HCK: variants seen among roughly 807,000 people sequenced by gnomAD.
HCK encodes the protein tyrosine-protein kinase HCK.
Under a neutral mutation model 70.4 loss-of-function variants are expected in HCK, and 40 were observed. That is an observed-to-expected ratio of 0.57 (90% CI 0.44 to 0.74). HCK has a LOEUF of 0.74. Ranked by LOEUF, HCK falls within the 30% of genes least tolerant of loss-of-function variation. The pLI is 0.00. For missense variants in HCK, 568 were observed against 697.2 expected (o/e 0.81, Z 2.09); for synonymous variants, 245 against 263.2 (o/e 0.93, Z 0.67).
At chr20:32,093,570 G>A (rs2045893864) in intron 10 of HCK, among the ~76,000 whole-genome samples, 1 of 151,716 alleles carries the variant, frequency 6.6e-6, no homozygotes, top group African/African-American at 2.4e-5. Context: ...AATAGGTCCT[G>A]GAGAAATAGT....
rs1600718322 is a variant in HCK, at chr20:32,071,768, T to C, written c.169T>C (p.Ser57Pro). Residue 57 changes from serine (S) to proline (P), a missense_variant, in exon 2 of 13, where the codon TCC becomes CCC. Ser to Pro is a moderately conservative substitution (Grantham distance 74). This residue lies in a region of HCK where 318 missense variants were observed against 336.0 expected (regional missense o/e 0.95). Coordinates refer to ENST00000375852, the MANE Select transcript of HCK (RefSeq NM_002110.5). Reference sequence around the variant, plus strand: ...TCCTGTGTACGTGCCGGATCCCACATCCACCATCAAGCCGGTGAGTAGGGG... The same window carrying C: ...TCCTGTGTACGTGCCGGATCCCACACCCACCATCAAGCCGGTGAGTAGGGG... 1.2e-6 allele frequency: 2 copies of C among 1,613,830 alleles called. No homozygotes were observed. The highest frequency in any genetic ancestry group is 1.7e-6 in the Non-Finnish European group (2 of 1,179,860).
intron 6 of HCK, among the ~76,000 whole-genome samples, chr20:32,082,627 G>A (rs2045723772): frequency 6.6e-6 from 1 of 152,104 alleles, no homozygotes; most frequent in Admixed American, 6.5e-5. Flanking sequence ...GGATGACACA[G>A]CGAGACTCTG....
intron 6 of HCK, among the ~76,000 whole-genome samples, 184 bp from the exon 7 acceptor site, chr20:32,083,710 G>A (rs916591350): frequency 1.3e-5 from 2 of 152,214 alleles, no homozygotes; most frequent in South Asian, 4.1e-4. Context: ...CTCACGGGTG[G>A]ATGTGGTAGA....
At chr20:32,093,242 G>A (rs2045887954) in intron 10 of HCK, among the ~76,000 whole-genome samples, 1 of 152,194 alleles carries the variant, frequency 6.6e-6, no homozygotes, top group Non-Finnish European at 1.5e-5. Flanking sequence ...ACCATGCCCG[G>A]CCTGTTTTAT....
At chr20:32,082,370 G>C (rs1285315626) in intron 6 of HCK, among the ~76,000 whole-genome samples, 1 of 152,132 alleles carries the variant, frequency 6.6e-6, no homozygotes, top group Non-Finnish European at 1.5e-5. Flanking sequence ...GGCCAGGTGA[G>C]GTGACTCAAG....
intron 1 of HCK, among the ~76,000 whole-genome samples, chr20:32,061,254 T>A (rs964850130): frequency 6.6e-6 from 1 of 152,236 alleles, no homozygotes; most frequent in African/African-American, 2.4e-5. Flanking sequence ...AGTGCTGGGA[T>A]TACAGGCGTG....
In HCK at chr20:32,074,657, A is replaced by G; in HGVS notation, c.364A>G (p.Thr122Ala). The G allele has an allele frequency of 6.2e-7, 1 of 1,613,976 alleles. No homozygotes were observed. The stretch of plus-strand genomic sequence containing the variant: ...GTGGTGGAAGGCTCGATCCCTGGCC[A>G]CCCGGAAGGAGGGCTACATCCCAAG... Residue 122 changes from threonine to alanine, a missense_variant, in exon 5 of 13, where the codon ACC becomes GCC. Transcript: ENST00000375852.
intron 5 of HCK, among the ~76,000 whole-genome samples, chr20:32,078,310 G>A (rs938865662): frequency 2.4e-4 from 36 of 151,610 alleles, no homozygotes; most frequent in Middle Eastern, 3.4e-3. Flanking sequence ...CTCCCAAAGT[G>A]CTGGGATTAC....
intron 1 of HCK, chr20:32,069,566 C>A: frequency 2.7e-6 from 1 of 373,756 alleles, no homozygotes; most frequent in South Asian, 2.0e-5. Context: ...AAGAGAGATG[C>A]TGGTTTCAGT....
intron 1 of HCK, among the ~76,000 whole-genome samples, chr20:32,060,349 T>C (rs1422543030): frequency 6.6e-6 from 1 of 152,148 alleles, no homozygotes; most frequent in Non-Finnish European, 1.5e-5. Flanking sequence ...GCCTCCCAAG[T>C]AGCTGGGATT....
At position 32,088,609 on chromosome 20, in the gene HCK, C is replaced by A; in HGVS notation, c.1057C>A (p.Gln353Lys). 1 of 1,614,020 alleles carries A rather than the reference C, an allele frequency of 6.2e-7. No individual in the cohort carries two copies. Among genetic ancestry groups the A allele is most frequent in the African/African-American group, 1.3e-5 (1 of 75,036 alleles). The change falls in exon 10 of 13, where the codon CAG (glutamine) becomes AAG (lysine). Residue 353 changes from glutamine to lysine, a missense_variant. Physicochemically the swap from Gln to Lys is moderately conservative, Grantham distance 53. Coordinates refer to ENST00000375852, the MANE Select transcript of HCK (RefSeq NM_002110.5). ...TCTGAAAAGTGATGAGGGCAGCAAG[C>A]AGCCATTGCCAAAACTCATTGACTT...
chr20:32,075,624 A>G lies in HCK; in HGVS notation c.428+903A>G, dbSNP rs1041408907. Among the ~76,000 whole-genome samples the G allele has an allele frequency of 2.0e-5, 3 of 152,044 alleles. No individual in the cohort carries two copies. In the East Asian group the frequency reaches 5.8e-4, roughly 29 times the overall value. ...ACCCTCAAGGAGCTCTCCATAACCC[A>G]TCGTTCTTGGCTGTGGGTTCTTCTT... On this transcript the variant is annotated intron_variant, in intron 5 of 12. Transcript: ENST00000375852.
chr20:32,086,176 C>G (rs973022207), intron 8 of HCK, among the ~76,000 whole-genome samples: 1 of 152,134 alleles, frequency 6.6e-6, no homozygotes, highest in African/African-American at 2.4e-5. Flanking sequence ...CCCACAACTG[C>G]GCCTGGCTAA....
In HCK at chr20:32,101,476, A is replaced by T; in HGVS notation, c.1538A>T (p.Asp513Val). 1 of 1,613,922 alleles carries T rather than the reference A, an allele frequency of 6.2e-7. No homozygotes were observed. The highest frequency in any genetic ancestry group is 8.5e-7 in the Non-Finnish European group (1 of 1,179,942). Residue 513 changes from aspartate (D) to valine (V), a missense_variant, in exon 13 of 13, where the codon GAC becomes GTC. Coordinates refer to ENST00000375852, the MANE Select transcript of HCK (RefSeq NM_002110.5). Reference sequence around the variant, plus strand: ...GAATACATCCAGAGTGTGCTGGATGACTTCTACACGGCCACAGAGAGCCAG... The same window carrying T: ...GAATACATCCAGAGTGTGCTGGATGTCTTCTACACGGCCACAGAGAGCCAG...
chr20:32,082,057 G>C (rs2045715542), intron 6 of HCK, among the ~76,000 whole-genome samples: 1 of 152,132 alleles, frequency 6.6e-6, no homozygotes, highest in South Asian at 2.1e-4. Context: ...TGGCTGAGAG[G>C]GGCTCTGGAG....
At chr20:32,081,170 G>A (rs1356807857) in intron 6 of HCK, among the ~76,000 whole-genome samples, 1 of 152,214 alleles carries the variant, frequency 6.6e-6, no homozygotes, top group Non-Finnish European at 1.5e-5. Context: ...ATAAGGAAAT[G>A]AGGTAGGATG....
intron 10 of HCK, 80 bp downstream of exon 10, chr20:32,088,724 T>C: frequency 1.0e-6 from 1 of 977,572 alleles, no homozygotes; most frequent in South Asian, 1.3e-5. Context: ...GACCACATAC[T>C]ATGATGATAG....
Position 32,052,400 on chromosome 20 carries a change from C to T in HCK, c.-25C>T, listed in dbSNP as rs2045185097. 1.6e-6 allele frequency: 2 copies of T among 1,286,510 alleles called. No homozygotes were observed. Among genetic ancestry groups the T allele is most frequent in the Non-Finnish European group, 2.0e-6 (2 of 1,007,668 alleles). 79.7% of individuals were successfully genotyped at this position (1,286,510 alleles called of 1,614,324 possible). On this transcript the variant is annotated 5_prime_UTR_variant, in exon 1 of 13. Coordinates refer to ENST00000375852, the MANE Select transcript of HCK (RefSeq NM_002110.5). ...GAAAGTCAGTTTCCCGGCACTGGCA[C>T]CCCGGAACCTCAGGGGCTGCCGAGC...
At chr20:32,092,414 C>A (rs2045877105) in intron 10 of HCK, among the ~76,000 whole-genome samples, 1 of 152,336 alleles carries the variant, frequency 6.6e-6, no homozygotes, top group Non-Finnish European at 1.5e-5. Context: ...GAGGGTTCAT[C>A]TTCAACCGCT....
Sources: gnomAD v4.1 joint callset for allele counts (sites outside exome capture counted in the v4.1 genomes callset) on GRCh38, gnomAD v4.1.1 for gene constraint, gnomAD v4.1.1 regional missense constraint, MANE v1.5 for transcripts, NCBI Gene and HGNC (gene_info 2026-07-23, HGNC 2026-07-21) for gene names.